Variants in OXSR1 observed in about 807,000 individuals in gnomAD.
OXSR1 encodes the protein oxidative stress responsive kinase 1, also known as serine/threonine-protein kinase OSR1.
OXSR1 carries 24 observed loss-of-function variants against 79.8 expected under a neutral mutation model. The observed-to-expected ratio is 0.30, with a 90% confidence interval of 0.22 to 0.42. OXSR1 has a LOEUF of 0.42. Among genes scored for constraint, OXSR1 ranks in the 10% least tolerant of loss-of-function variants. The pLI, the probability that OXSR1 is intolerant of heterozygous loss-of-function variation, is 1.00. For missense variants in OXSR1, 430 were observed against 618.4 expected, an observed-to-expected ratio of 0.70 and a Z score of 3.23; for synonymous variants, 226 against 209.2, an observed-to-expected ratio of 1.08 and a Z score of -0.69.
rs146173656 is a variant in OXSR1, at chr3:38,184,051, C to A, written c.183+936C>A. On this transcript the variant is annotated intron_variant, in intron 2 of 17. Coordinates refer to ENST00000311806, the MANE Select transcript of OXSR1 (RefSeq NM_005109.3). ...ATATTGTTACTTTATTAAGTAATTT[C>A]TTTAAGAGCATATACAGCTAGTGCT... is the stretch of plus-strand genomic sequence containing the variant. 4.8e-3 allele frequency among the ~76,000 whole-genome samples: 726 copies of A among 152,200 alleles called. 7 individuals are homozygous for A. Among genetic ancestry groups the A allele is most frequent in the Middle Eastern group, 0.031 (9 of 294 alleles).
intron 2 of OXSR1, among the ~76,000 whole-genome samples, chr3:38,186,461 T>G (rs1234116833): frequency 1.3e-5 from 2 of 152,188 alleles, no homozygotes; most frequent in African/African-American, 4.8e-5. Context: ...TGACCACTCA[T>G]TCTTTATTCT....
intron 4 of OXSR1, among the ~76,000 whole-genome samples, chr3:38,208,959 AGTGTGTGT>A (rs144109114): frequency 2.7e-5 from 4 of 146,974 alleles, no homozygotes; most frequent in Non-Finnish European, 4.5e-5. Context: ...CCAGTTAAGG[AGTGTGTGT>A]GTGTGTGTGT....
rs1264977990 is a variant in OXSR1, at chr3:38,216,215, A to C, written c.490+64A>C. 2.9e-6 allele frequency: 3 copies of C among 1,023,146 alleles called. No individual in the cohort carries two copies. The African/African-American group carries it at 4.9e-5, about 17-fold the overall frequency. 63.4% of individuals were successfully genotyped at this position (1,023,146 alleles called of 1,614,324 possible). ...AGTAGAACCACATTACTTATCTTTT[A>C]TGTTTCCTTAATCAGCATTCTCTCC... On this transcript the variant is annotated intron_variant, in intron 5 of 17. Transcript: ENST00000311806.
At chr3:38,192,830 C>G (rs1217566374) in intron 3 of OXSR1, among the ~76,000 whole-genome samples, 1 of 152,206 alleles carries the variant, frequency 6.6e-6, no homozygotes, top group East Asian at 1.9e-4. Context: ...GCCTTCCTAT[C>G]ACTGTGCTGG....
intron 14 of OXSR1, among the ~76,000 whole-genome samples, chr3:38,248,835 A>G (rs554368214): frequency 3.3e-4 from 50 of 152,342 alleles, no homozygotes; most frequent in African/African-American, 1.2e-3. Context: ...ACACTTTAAG[A>G]AAATTATTGT....
intron 2 of OXSR1, 101 bp downstream of exon 2, chr3:38,183,216 G>A (rs1468575792): frequency 9.8e-6 from 5 of 508,908 alleles, no homozygotes; most frequent in Non-Finnish European, 1.6e-5. Flanking sequence ...TTTTAAAAAA[G>A]TTTATGATTT....
chr3:38,165,489 G>A (rs1415623851), upstream of OXSR1: 2 of 229,170 alleles, frequency 8.7e-6, no homozygotes, highest in Non-Finnish European at 1.7e-5. Context: ...CCAGCGCAGT[G>A]ACGTCAGCGC....
intron 2 of OXSR1, among the ~76,000 whole-genome samples, chr3:38,185,431 C>A (rs188377484): frequency 1.3e-5 from 2 of 151,864 alleles, no homozygotes; most frequent in Non-Finnish European, 2.9e-5. Flanking sequence ...TTAAAACAAT[C>A]AAAAATTAGT....
At chr3:38,232,489 T>C (rs1702831786) in intron 10 of OXSR1, among the ~76,000 whole-genome samples, 3 of 152,062 alleles carry the variant, frequency 2.0e-5, no homozygotes, top group Admixed American at 2.0e-4. Context: ...GCACGGTGGC[T>C]CACGCCTGTA....
At chr3:38,182,681 A>G (rs544056967) in intron 1 of OXSR1, among the ~76,000 whole-genome samples, 44 of 152,202 alleles carry the variant, frequency 2.9e-4, no homozygotes, top group Non-Finnish European at 5.4e-4. Flanking sequence ...GAGCCCTCTT[A>G]TGATTGTTTG....
chr3:38,233,295 A>G (rs1465418313), intron 10 of OXSR1, among the ~76,000 whole-genome samples: 1 of 152,212 alleles, frequency 6.6e-6, no homozygotes, highest in Non-Finnish European at 1.5e-5. Flanking sequence ...TACCCCATAG[A>G]CAAGACGTTG....
Position 38,220,046 on chromosome 3 carries a change from G to A in OXSR1, c.491-1532G>A, listed in dbSNP as rs181006702. Among the ~76,000 whole-genome samples the A allele has an allele frequency of 8.0e-4, 122 of 152,082 alleles. 2 individuals carry two copies. The East Asian group carries it at 0.023, about 28-fold the overall frequency. ...GGTCTTGATCTCTTGGCCTCAAGTG[G>A]TCCTTCTGCCTCAGCTTCCCAAAGT... On this transcript the variant is annotated intron_variant, in intron 5 of 17. Coordinates refer to ENST00000311806, the MANE Select transcript of OXSR1 (RefSeq NM_005109.3).
chr3:38,201,829 A>G (rs1446586361), intron 4 of OXSR1, among the ~76,000 whole-genome samples: 2 of 151,898 alleles, frequency 1.3e-5, no homozygotes, highest in Non-Finnish European at 2.9e-5. Flanking sequence ...ATGCCATTAC[A>G]CTCCAGCCTG....
intron 6 of OXSR1, among the ~76,000 whole-genome samples, chr3:38,222,519 T>C (rs1702609609): frequency 6.6e-6 from 1 of 152,166 alleles, no homozygotes; most frequent in South Asian, 2.1e-4. Flanking sequence ...CTTAGGTCTC[T>C]AGAGGCCCTT....
At chr3:38,205,614 T>G (rs550799646) in intron 4 of OXSR1, among the ~76,000 whole-genome samples, 32 of 152,340 alleles carry the variant, frequency 2.1e-4, no homozygotes, top group African/African-American at 7.0e-4. Context: ...CTTCTCCTGC[T>G]GGTCCGCCTT....
chr3:38,194,279 G>A (rs1320413920), intron 3 of OXSR1, among the ~76,000 whole-genome samples: 1 of 152,186 alleles, frequency 6.6e-6, no homozygotes, highest in Non-Finnish European at 1.5e-5. Flanking sequence ...GCTGGGTGAG[G>A]TGGCTCATGC....
At chr3:38,189,320 T>A (rs775313370) in intron 2 of OXSR1, among the ~76,000 whole-genome samples, 29 of 152,318 alleles carry the variant, frequency 1.9e-4, no homozygotes, top group Non-Finnish European at 3.7e-4. Context: ...TGCTCTCTTA[T>A]CTGTTTCCTC....
chr3:38,198,812 G>C lies in OXSR1; in HGVS notation c.383G>C (p.Arg128Pro). The stretch of plus-strand genomic sequence containing the variant: ...GAATCTACCATTGCTACGATACTCC[G>C]AGAAGTACTGGAAGGGCTGGAATAT... ...LDESTIATIL[R>P]EVLEGLEYLH... Residue 128 changes from arginine (R) to proline (P), a missense_variant, in exon 4 of 18, where the codon CGA becomes CCA. Coordinates refer to ENST00000311806, the MANE Select transcript of OXSR1 (RefSeq NM_005109.3). 2 of 1,613,338 alleles carry C rather than the reference G, an allele frequency of 1.2e-6. No homozygotes were observed. Among genetic ancestry groups the C allele is most frequent in the Non-Finnish European group, 1.7e-6 (2 of 1,179,410 alleles).
chr3:38,207,523 G>C (rs1253478825), intron 4 of OXSR1, among the ~76,000 whole-genome samples: 1 of 152,184 alleles, frequency 6.6e-6, no homozygotes, highest in African/African-American at 2.4e-5. Context: ...GCAATACCTG[G>C]AGCCATTTTT....
Sources: allele counts gnomAD v4.1 joint callset (sites outside exome capture counted in the v4.1 genomes callset), GRCh38; gene constraint gnomAD v4.1.1; transcripts MANE v1.5; gene names NCBI Gene and HGNC (gene_info 2026-07-23, HGNC 2026-07-21).